DEFB134: variants seen among roughly 807,000 people sequenced by gnomAD.
DEFB134 encodes the protein beta-defensin 134.
Under a neutral mutation model 7.4 loss-of-function variants are expected in DEFB134, and 7 were observed. The observed-to-expected ratio is 0.95, with a 90% CI of 0.54 to 1.79. The LOEUF is 1.79. Among genes scored for constraint, DEFB134 ranks in the 40% most tolerant of loss-of-function variants. The pLI is 0.00. For synonymous variants in DEFB134, 33 were observed against 25.0 expected (o/e 1.32, Z -0.96); for missense variants, 105 against 74.8 (o/e 1.40, Z -1.49).
upstream of DEFB134, among the ~76,000 whole-genome samples, chr8:11,997,165 A>G (rs1800147686): frequency 6.6e-6 from 1 of 152,234 alleles, no homozygotes; most frequent in Non-Finnish European, 1.5e-5. Context: ...TGTGAATAGA[A>G]TAATATATTC....
At chr8:11,997,832 G>C (rs115708786), upstream of DEFB134, among the ~76,000 whole-genome samples, 2,887 of 152,220 alleles carry the variant, frequency 0.019, 110 homozygotes, top group African/African-American at 0.065. Context: ...AACAAATAAA[G>C]ATATTGAGGA....
upstream of DEFB134, among the ~76,000 whole-genome samples, chr8:11,998,173 G>A (rs1162611177): frequency 1.3e-5 from 2 of 152,140 alleles, no homozygotes; most frequent in African/African-American, 4.8e-5. Context: ...ACTGGGCCAG[G>A]TGCAGTGGCT....
intron 1 of DEFB134, among the ~76,000 whole-genome samples, chr8:11,995,942 T>G (rs1390336917): frequency 7.6e-6 from 1 of 132,338 alleles, no homozygotes; most frequent in African/African-American, 3.5e-5. Flanking sequence ...GGCTCATTGG[T>G]GCGGATCAGT....
upstream of DEFB134, among the ~76,000 whole-genome samples, chr8:11,998,058 A>T (rs1251504800): frequency 2.0e-5 from 3 of 152,198 alleles, no homozygotes; most frequent in Non-Finnish European, 4.4e-5. Context: ...CAATACCAAG[A>T]AGATCTCTCA....
At chr8:11,996,165 C>T (rs370016517) in intron 1 of DEFB134, 29 bp downstream of exon 2, 14 of 1,612,750 alleles carry the variant, frequency 8.7e-6, no homozygotes, top group African/African-American at 6.7e-5. Flanking sequence ...TATGAAGCAC[C>T]CCTACCCCCC....
chr8:11,994,108 A>G, exon 2 of DEFB134: 1 of 1,611,992 alleles, frequency 6.2e-7, no homozygotes, highest in Non-Finnish European at 8.5e-7. Context: ...ATTTCTGATG[A>G]TAATGAATTT....
chr8:11,995,693 T>C (rs1196531568), intron 1 of DEFB134, among the ~76,000 whole-genome samples: 3 of 152,180 alleles, frequency 2.0e-5, no homozygotes, highest in African/African-American at 7.2e-5. Flanking sequence ...TATTAGAAAA[T>C]TAACAAATTG....
chr8:11,997,921 C>T (rs1407609526), upstream of DEFB134, among the ~76,000 whole-genome samples: 1 of 152,186 alleles, frequency 6.6e-6, no homozygotes, highest in East Asian at 1.9e-4. Context: ...AATACACATT[C>T]TTGTCATCTG....
At chr8:11,996,063 C>A in intron 1 of DEFB134, 131 bp downstream of exon 2, 1 of 1,117,908 alleles carries the variant, frequency 8.9e-7, no homozygotes, top group Non-Finnish European at 1.3e-6. Flanking sequence ...TTGCTGACAT[C>A]AAAACTAGTT....
upstream of DEFB134, among the ~76,000 whole-genome samples, chr8:11,996,937 A>C (rs886104478): frequency 3.3e-5 from 5 of 152,208 alleles, no homozygotes; most frequent in South Asian, 1.0e-3. Flanking sequence ...ACATACAATA[A>C]ACTTCAAACA....
At chr8:11,998,371 C>T (rs7830855), upstream of DEFB134, among the ~76,000 whole-genome samples, 28 of 151,584 alleles carry the variant, frequency 1.8e-4, no homozygotes, top group East Asian at 3.9e-4. Context: ...GAATTGCTTG[C>T]GCCTAAGGGG....
chr8:11,999,177 C>A (rs1585094774), upstream of DEFB134: 1 of 187,852 alleles, frequency 5.3e-6, no homozygotes. Context: ...CATATCATGT[C>A]CAATTTCTTA....
chr8:11,997,641 T>C (rs1434903126), upstream of DEFB134, among the ~76,000 whole-genome samples: 1 of 152,188 alleles, frequency 6.6e-6, no homozygotes, highest in Non-Finnish European at 1.5e-5. Flanking sequence ...TACAAAATGA[T>C]AAAGTGTTCA....
chr8:11,995,711 A>T (rs1044169184), intron 1 of DEFB134, among the ~76,000 whole-genome samples: 2 of 152,236 alleles, frequency 1.3e-5, no homozygotes, highest in Non-Finnish European at 2.9e-5. Context: ...TTGTGTTGTC[A>T]CTATTTTCTG....
chr8:11,993,890 G>A (rs996783821), exon 2 of DEFB134: 3 of 1,519,872 alleles, frequency 2.0e-6, no homozygotes, highest in Non-Finnish European at 2.7e-6. Flanking sequence ...ACACATCATG[G>A]TGTCACAGTT....
At chr8:11,998,284 A>C (rs1214652959), upstream of DEFB134, among the ~76,000 whole-genome samples, 3 of 151,676 alleles carry the variant, frequency 2.0e-5, no homozygotes, top group African/African-American at 7.3e-5. Context: ...CCCTGTCTCT[A>C]CAAGATTAAA....
chr8:11,997,983 T>C (rs1345663534), upstream of DEFB134, among the ~76,000 whole-genome samples: 1 of 152,184 alleles, frequency 6.6e-6, no homozygotes, highest in African/African-American at 2.4e-5. Context: ...AAAGCAATCC[T>C]TAACAAATTA....
chr8:11,996,158 G>A lies in DEFB134; in HGVS notation c.58+36C>T, dbSNP rs752426393. 5 of 1,611,718 alleles carry A rather than the reference G, an allele frequency of 3.1e-6. No homozygotes were observed. The East Asian group carries it at 8.9e-5, about 29-fold the overall frequency. On this transcript the variant is annotated intron_variant, in intron 1 of 1. Coordinates refer to ENST00000526438, the Ensembl canonical transcript of DEFB134. Reference sequence around the variant, plus strand: ...GTTTAGTGGCATTGTTCTTCTATATGAAGCACCCCTACCCCCCAAAATATG... The same window carrying A: ...GTTTAGTGGCATTGTTCTTCTATATAAAGCACCCCTACCCCCCAAAATATG...
intron 1 of DEFB134, among the ~76,000 whole-genome samples, chr8:11,994,741 A>C (rs1160963138): frequency 6.6e-6 from 1 of 152,212 alleles, no homozygotes; most frequent in Non-Finnish European, 1.5e-5. Context: ...ATTATTCATA[A>C]ACCAATTTTT....
Sources: allele counts gnomAD v4.1 joint callset (sites outside exome capture counted in the v4.1 genomes callset), GRCh38; gene constraint gnomAD v4.1.1; transcripts MANE v1.5; gene names NCBI Gene and HGNC (gene_info 2026-07-23, HGNC 2026-07-21).